Variants in ATXN2L observed in about 807,000 individuals in gnomAD.
ATXN2L encodes ataxin 2 like.
In ATXN2L, 24 loss-of-function variants were observed where a neutral mutation model predicts 120.7. The ratio of observed to expected loss-of-function variants is 0.20; its 90% CI spans 0.14 to 0.28. The LOEUF (loss-of-function observed/expected upper bound fraction) is 0.28. ATXN2L is among the 10% of genes least tolerant of loss of function. ATXN2L has a pLI of 1.00. For missense variants in ATXN2L, 1,312 were observed against 1,432.3 expected (o/e 0.92, Z 1.36); for synonymous variants, 653 against 568.1 (o/e 1.15, Z -2.13).
Position 28,825,472 on chromosome 16 carries a change from A to C in ATXN2L, c.336+70A>C, listed in dbSNP as rs2151931482. On this transcript the variant is annotated intron_variant, in intron 2 of 21. Coordinates refer to ENST00000336783, the MANE Select transcript of ATXN2L (RefSeq NM_007245.4). ...GATGCATAATGTGGGAATATAGGGC[A>C]CATTAGGTCTAGATAGAGTCTAATG... 3.8e-6 allele frequency: 6 copies of C among 1,570,696 alleles called. No individual in the cohort carries two copies. In the East Asian group the frequency reaches 1.3e-4, roughly 35 times the overall value.
chr16:28,833,904 A>C, intron 15 of ATXN2L, 161 bp from the exon 16 acceptor site: 1 of 833,222 alleles, frequency 1.2e-6, no homozygotes. Context: ...TAACTTTAGA[A>C]TACTCATCTC....
chr16:28,832,753 A>G, intron 12 of ATXN2L, 64 bp from the exon 13 acceptor site: 2 of 1,546,108 alleles, frequency 1.3e-6, no homozygotes, highest in Non-Finnish European at 1.8e-6. Flanking sequence ...TTCTTTTGGC[A>G]CTGTGTAGCC....
intron 14 of ATXN2L, 23 bp from the exon 15 acceptor site, chr16:28,833,416 A>G: frequency 6.2e-7 from 1 of 1,614,116 alleles, no homozygotes; most frequent in South Asian, 1.1e-5. Flanking sequence ...AGCCGTGAAG[A>G]TTTACTGTAC....
intron 12 of ATXN2L, 21 bp downstream of exon 12, chr16:28,832,588 G>C (rs966697814): frequency 2.5e-6 from 4 of 1,610,758 alleles, no homozygotes; most frequent in Admixed American, 1.7e-5. Flanking sequence ...TTTTTTTTCT[G>C]CTGAGGATTA....
At chr16:28,834,823 G>A (rs577927615) in intron 18 of ATXN2L, 130 bp downstream of exon 18, 1 of 1,249,316 alleles carries the variant, frequency 8.0e-7, no homozygotes, top group African/African-American at 1.5e-5. Context: ...TGTGGTATTG[G>A]CGGTGTCAGA....
intron 8 of ATXN2L, 120 bp downstream of exon 8, chr16:28,830,178 T>C: frequency 1.0e-6 from 1 of 1,004,502 alleles, no homozygotes; most frequent in East Asian, 2.7e-5. Flanking sequence ...CATACACAGG[T>C]TTAGGAGGTT....
chr16:28,833,426 C>T lies in ATXN2L; in HGVS notation c.1956-13C>T, dbSNP rs779185285. 2.5e-6 allele frequency: 4 copies of T among 1,614,028 alleles called. No individual in the cohort carries two copies. Among genetic ancestry groups the T allele is most frequent in the Non-Finnish European group, 2.5e-6 (3 of 1,180,006 alleles). The stretch of plus-strand genomic sequence containing the variant: ...GAGCAAGCCGTGAAGATTTACTGTA[C>T]TTTCTCTCACAGACAAGTAAAGAAA... On this transcript the variant is annotated splice_polypyrimidine_tract_variant and intron_variant, in intron 14 of 21. Transcript: ENST00000336783.
rs2055132843 is a variant in ATXN2L at position 28,833,082 on chromosome 16, G to A, written c.1683G>A (p.Glu561=). Residue 561 remains glutamate (E), a synonymous_variant, in exon 14 of 22, where the codon GAG becomes GAA. Coordinates refer to ENST00000336783, the MANE Select transcript of ATXN2L (RefSeq NM_007245.4). ...QFKLQPSSSP[E]NSLDPFPPRI... is the part of the protein sequence containing the mutation. ...AGCTTCAGCCCAGTAGCTCCCCTGA[G>A]AACAGCCTGGATCCTTTTCCTCCCC... 5 of 1,614,178 alleles carry A rather than the reference G, an allele frequency of 3.1e-6. No homozygotes were observed. In the East Asian group the frequency reaches 1.1e-4, roughly 36 times the overall value.
At position 28,834,152 on chromosome 16, in the gene ATXN2L, C is replaced by T; in HGVS notation, c.2113C>T (p.Leu705=). 1.2e-6 allele frequency: 2 copies of T among 1,614,192 alleles called. No individual in the cohort carries two copies. The highest frequency in any genetic ancestry group is 1.7e-6 in the Non-Finnish European group (2 of 1,180,026). Reference sequence around the variant, plus strand: ...GGTGCTGACAGCAGGCCAGAGTGGGCTATACAGCCCCCAGTACATCTCCTA... The same window carrying T: ...GGTGCTGACAGCAGGCCAGAGTGGGTTATACAGCCCCCAGTACATCTCCTA... ...IPVLTAGQSG[L]YSPQYISYIP... The change falls in exon 16 of 22, where the codon CTA becomes TTA. Residue 705 remains leucine, a synonymous_variant. Transcript: ENST00000336783.
chr16:28,834,782 G>T, intron 18 of ATXN2L, 89 bp downstream of exon 18: 1 of 1,446,658 alleles, frequency 6.9e-7, no homozygotes. Flanking sequence ...GCTAGGGGTG[G>T]CAGGCAGTGT....
At chr16:28,826,704 G>A in intron 5 of ATXN2L, 158 bp from the exon 6 acceptor site, 1 of 836,914 alleles carries the variant, frequency 1.2e-6, no homozygotes, top group Non-Finnish European at 1.7e-6. Context: ...TTCTTCTCTT[G>A]CCTCCCCACC....
Position 28,823,336 on chromosome 16 carries a change from G to C in ATXN2L, c.77G>C (p.Arg26Pro). ...CCCACGCAACAGGCCGTGGCCCGTC[G>C]GCCCCCCGGGGGCACCAGCCCTCCC... ...PPPTQQAVAR[R>P]PPGGTSPPNG... Residue 26 changes from arginine (R) to proline (P), a missense_variant, in exon 1 of 22, where the codon CGG becomes CCG. Coordinates refer to ENST00000336783, the MANE Select transcript of ATXN2L (RefSeq NM_007245.4). The C allele has an allele frequency of 7.2e-7, 1 of 1,387,748 alleles. No individual in the cohort carries two copies. The highest frequency in any genetic ancestry group is 9.3e-7 in the Non-Finnish European group (1 of 1,071,634). 86.0% of individuals were successfully genotyped at this position (1,387,748 alleles called of 1,614,324 possible). A position where few individuals can be genotyped will look rare whatever the true frequency, so the allele number is the denominator to read the frequency against.
intron 10 of ATXN2L, 33 bp from the exon 11 acceptor site, chr16:28,832,172 G>A: frequency 1.9e-6 from 3 of 1,612,580 alleles, no homozygotes; most frequent in Non-Finnish European, 1.7e-6. Context: ...TTGACCAGCA[G>A]TAACCATCCT....
intron 6 of ATXN2L, among the ~76,000 whole-genome samples, chr16:28,827,238 A>T (rs1469849139): frequency 6.6e-6 from 1 of 152,070 alleles, no homozygotes; most frequent in East Asian, 1.9e-4. Context: ...TTTCGAGACC[A>T]GTCTGGGCAA....
chr16:28,823,875 G>A (rs933773873), intron 1 of ATXN2L: 6 of 306,806 alleles, frequency 2.0e-5, no homozygotes, highest in African/African-American at 1.3e-4. Flanking sequence ...GAGCTGATCG[G>A]GGTCCCCGGT....
chr16:28,829,315 T>A, intron 6 of ATXN2L, 86 bp from the exon 7 acceptor site: 1 of 926,746 alleles, frequency 1.1e-6, no homozygotes, highest in Middle Eastern at 2.3e-4. Flanking sequence ...TTTGTTCACA[T>A]CTTGGAGTTT....
At chr16:28,827,791 C>T (rs953786920) in intron 6 of ATXN2L, among the ~76,000 whole-genome samples, 1 of 152,214 alleles carries the variant, frequency 6.6e-6, no homozygotes, top group Non-Finnish European at 1.5e-5. Context: ...GGTCCCACAC[C>T]TGTAGTCCCA....
Position 28,836,794 on chromosome 16 carries a change from G to C in ATXN2L, c.*529G>C. The stretch of plus-strand genomic sequence containing the variant: ...GGGAACTGAAGATTGTCCTGGCCGC[G>C]ACCTGAGACCTCCATGAGTGGAGGG... On this transcript the variant is annotated 3_prime_UTR_variant, in exon 22 of 22. Coordinates refer to ENST00000336783, the MANE Select transcript of ATXN2L (RefSeq NM_007245.4). 1.2e-6 allele frequency: 2 copies of C among 1,613,614 alleles called. No homozygotes were observed. Among genetic ancestry groups the C allele is most frequent in the African/African-American group, 1.3e-5 (1 of 74,812 alleles).
At chr16:28,830,121 AGAGTTGATGAGTGCTGT>A in intron 8 of ATXN2L, 63 bp downstream of exon 8, 4 of 1,460,868 alleles carry the variant, frequency 2.7e-6, no homozygotes, top group Non-Finnish European at 3.7e-6. Flanking sequence ...GCCTGGGCCC[AGAGTTGATGAGTGCTGT>A]GGTTTAAGCC....
Sources: allele counts gnomAD v4.1 joint callset (sites outside exome capture counted in the v4.1 genomes callset), GRCh38; gene constraint gnomAD v4.1.1; transcripts MANE v1.5; gene names NCBI Gene and HGNC (gene_info 2026-07-23, HGNC 2026-07-21).